IDE: variants seen among roughly 807,000 people sequenced by gnomAD.
IDE encodes the protein insulin-degrading enzyme.
A neutral mutation model predicts 133.2 loss-of-function variants in IDE; 58 were observed. That is an observed-to-expected ratio of 0.44 (90% CI 0.35 to 0.54). IDE has a LOEUF of 0.54. IDE is among the 20% of genes least tolerant of loss of function. IDE has a pLI of 0.00. For synonymous variants in IDE, 396 were observed against 421.3 expected (o/e 0.94, Z 0.73); for missense variants, 981 against 1,234.0 (o/e 0.79, Z 3.07).
chr10:92,496,167 G>A (rs757419744), intron 11 of IDE, among the ~76,000 whole-genome samples: 4 of 152,062 alleles, frequency 2.6e-5, no homozygotes, highest in African/African-American at 9.7e-5. Context: ...GAGCCACCAC[G>A]CCTGGCCTAA....
In IDE at chr10:92,508,853, T is replaced by C; in HGVS notation, c.935A>G (p.Asn312Ser). ...YKIVPIKDIRNLYVTFPIPDL... is the reference protein window; with the variant it reads ...YKIVPIKDIRSLYVTFPIPDL... The stretch of plus-strand genomic sequence containing the variant: ...AGGTATGGGAAATGTCACATAGAGA[T>C]TCCTAATATCTTTAATGGGTACTAT... The change falls in exon 7 of 25, where the codon AAT (asparagine) becomes AGT (serine). Residue 312 changes from asparagine (N) to serine (S), a missense_variant. Physicochemically the swap from Asn to Ser is conservative, Grantham distance 46. Coordinates refer to ENST00000265986, the MANE Select transcript of IDE (RefSeq NM_004969.4). 6.2e-7 allele frequency: 1 copy of C among 1,613,100 alleles called. No individual in the cohort carries two copies. The highest frequency in any genetic ancestry group is 8.5e-7 in the Non-Finnish European group (1 of 1,179,044).
chr10:92,523,765 C>T (rs1269323003), intron 4 of IDE, among the ~76,000 whole-genome samples: 1 of 150,438 alleles, frequency 6.6e-6, no homozygotes, highest in Non-Finnish European at 1.5e-5. Flanking sequence ...ATATTCTTGT[C>T]TTCAACTGTG....
At chr10:92,573,662 C>T (rs1029437946) in intron 1 of IDE, among the ~76,000 whole-genome samples, 2 of 152,218 alleles carry the variant, frequency 1.3e-5, no homozygotes, top group African/African-American at 4.8e-5. Flanking sequence ...CGCCCCGTGG[C>T]CCCGGGTAGC....
intron 15 of IDE, among the ~76,000 whole-genome samples, chr10:92,476,427 G>A (rs1025578640): frequency 1.3e-5 from 2 of 151,906 alleles, no homozygotes; most frequent in South Asian, 2.1e-4. Context: ...CATCCGCCTC[G>A]GCCTTCCAAA....
intron 4 of IDE, among the ~76,000 whole-genome samples, chr10:92,525,586 C>A (rs1353305544): frequency 6.6e-6 from 1 of 152,082 alleles, no homozygotes; most frequent in Non-Finnish European, 1.5e-5. Context: ...GGAAAGAAGT[C>A]AAACTGTCAT....
intron 1 of IDE, among the ~76,000 whole-genome samples, chr10:92,570,630 CAT>C: frequency 6.6e-6 from 1 of 152,188 alleles, no homozygotes; most frequent in South Asian, 2.1e-4. Flanking sequence ...GTTTATGAAA[CAT>C]ATACTGGGCC....
At chr10:92,564,671 C>CAAAAAAAAAAAAAAAAAAAA (rs532861372) in intron 1 of IDE, among the ~76,000 whole-genome samples, 1 of 31,586 alleles carries the variant, frequency 3.2e-5, no homozygotes, top group African/African-American at 1.1e-4. Context: ...GAGACTGTCT[C>CAAAAAAAAAAAAAAAAAAAA]AAAAAAAAAA....
At chr10:92,482,737 A>C (rs1846690190) in intron 14 of IDE, among the ~76,000 whole-genome samples, 1 of 149,716 alleles carries the variant, frequency 6.7e-6, no homozygotes, top group Non-Finnish European at 1.5e-5. Context: ...TAATGGGGAA[A>C]GAAAAAAAAA....
At chr10:92,475,058 A>G (rs1216852169) in intron 16 of IDE, 97 bp from the exon 17 acceptor site, 6 of 855,922 alleles carry the variant, frequency 7.0e-6, no homozygotes, top group Non-Finnish European at 1.1e-5. Flanking sequence ...TATAAACTGT[A>G]TTACTAGGAT....
rs778481775 is a variant in IDE at position 92,487,191 on chromosome 10, A to T, written c.1656+5T>A. On this transcript the variant is annotated splice_donor_5th_base_variant and intron_variant, in intron 13 of 24. Transcript: ENST00000265986. ...AATTTAAAATCACTGATTCAAACAC[A>T]TTACCTTAATAAGAGCAGGGTATGG... 1.9e-6 allele frequency: 3 copies of T among 1,608,222 alleles called. No individual in the cohort carries two copies. In the Admixed American group the frequency reaches 5.1e-5, roughly 28 times the overall value.
intron 4 of IDE, among the ~76,000 whole-genome samples, chr10:92,524,360 ATAT>A (rs1232771578): frequency 0.03 from 239 of 8,056 alleles, 20 homozygotes; most frequent in Non-Finnish European, 0.034. Flanking sequence ...AATATATTTT[ATAT>A]TATAATATAT....
In IDE at chr10:92,574,074, C is replaced by T; in HGVS notation, c.-55G>A. ...AACGCTTCCTGCTTGCGCTTCGAGC[C>T]GGCCCTGCGCACTGCGCATGCTCTA... is the stretch of plus-strand genomic sequence containing the variant. On this transcript the variant is annotated 5_prime_UTR_variant, in exon 1 of 25. Coordinates refer to ENST00000265986, the MANE Select transcript of IDE (RefSeq NM_004969.4). The T allele has an allele frequency of 1.4e-6, 2 of 1,385,568 alleles. No homozygotes were observed. The highest frequency in any genetic ancestry group is 1.3e-5 in the South Asian group (1 of 75,314). The allele number at this position is 1,385,568 out of a possible 1,614,324, so 85.8% of individuals were successfully genotyped here. A position where few individuals can be genotyped will look rare whatever the true frequency, so the allele number is the denominator to read the frequency against.
At chr10:92,468,004 T>C (rs1845781277) in intron 19 of IDE, among the ~76,000 whole-genome samples, 1 of 152,232 alleles carries the variant, frequency 6.6e-6, no homozygotes, top group African/African-American at 2.4e-5. Flanking sequence ...ACAAGAGAAG[T>C]GCTAAGTAGC....
At chr10:92,534,476 C>A in intron 3 of IDE, 102 bp downstream of exon 3, 3 of 741,278 alleles carry the variant, frequency 4.0e-6, no homozygotes, top group Non-Finnish European at 6.6e-6. Flanking sequence ...GTTTAAAATA[C>A]CTTTTGTTAA....
chr10:92,570,035 G>A (rs1359116017), intron 1 of IDE, among the ~76,000 whole-genome samples: 4 of 151,986 alleles, frequency 2.6e-5, no homozygotes, highest in East Asian at 1.9e-4. Context: ...ACTTGAACCC[G>A]GGAGGTGGAA....
At chr10:92,556,179 C>CAAAAAAAAAAAAAAA (rs60008680) in intron 1 of IDE, among the ~76,000 whole-genome samples, 5 of 69,186 alleles carry the variant, frequency 7.2e-5, no homozygotes, top group Non-Finnish European at 1.0e-4. Flanking sequence ...GACTCCGTCT[C>CAAAAAAAAAAAAAAA]AAAAAAAAAA....
chr10:92,537,222 T>C, intron 2 of IDE, 144 bp downstream of exon 2: 1 of 537,850 alleles, frequency 1.9e-6, no homozygotes, highest in Non-Finnish European at 3.1e-6. Context: ...AGTTTACCAA[T>C]AGCTTTACGA....
chr10:92,528,941 G>A (rs1307459904), intron 4 of IDE, among the ~76,000 whole-genome samples: 1 of 152,056 alleles, frequency 6.6e-6, no homozygotes, highest in African/African-American at 2.4e-5. Flanking sequence ...GCTGGGCATG[G>A]TGGTGGGTGC....
chr10:92,501,623 T>C (rs1378634806), intron 11 of IDE, among the ~76,000 whole-genome samples: 2 of 150,500 alleles, frequency 1.3e-5, no homozygotes, highest in East Asian at 3.9e-4. Flanking sequence ...TGAGCCGAGA[T>C]TGCGCCACTG....
Sources: allele counts gnomAD v4.1 joint callset (sites outside exome capture counted in the v4.1 genomes callset), GRCh38; gene constraint gnomAD v4.1.1; transcripts MANE v1.5; gene names NCBI Gene and HGNC (gene_info 2026-07-23, HGNC 2026-07-21).